Variants in RBM33 observed in about 807,000 individuals in gnomAD.
RBM33 encodes RNA-binding protein 33.
In RBM33, 28 loss-of-function variants were observed where a neutral mutation model predicts 132.6. That is an observed-to-expected ratio of 0.21 (90% CI 0.16 to 0.29). The LOEUF (loss-of-function observed/expected upper bound fraction) is 0.29, where lower values mean the gene tolerates loss of function less well. Among genes scored for constraint, RBM33 ranks in the 10% least tolerant of loss-of-function variants. RBM33 has a pLI of 1.00. For synonymous variants in RBM33, 634 were observed against 593.0 expected (o/e 1.07, Z -1.01); for missense variants, 1,291 against 1,518.5 (o/e 0.85, Z 2.49).
chr7:155,741,873 G>C lies in RBM33; in HGVS notation c.2104G>C (p.Ala702Pro), dbSNP rs1563170844. The C allele has an allele frequency of 3.7e-6, 6 of 1,613,882 alleles. No homozygotes were observed. The highest frequency in any genetic ancestry group is 4.2e-6 in the Non-Finnish European group (5 of 1,179,892). Reference protein sequence around the residue: ...KRPMQQMQPTAPRNSNLRELP... With the variant: ...KRPMQQMQPTPPRNSNLRELP... ...GCCCATGCAGCAAATGCAGCCCACT[G>C]CGCCAAGGAACAGCAATTTGCGTGA... Residue 702 changes from alanine to proline, a missense_variant, in exon 13 of 18, where the codon GCG becomes CCG. By Grantham distance (27) the Ala-to-Pro change is conservative (BLOSUM62 -1). This residue lies in a region of RBM33 where 841 missense variants were observed against 912.0 expected (regional missense o/e 0.92). Coordinates refer to ENST00000401878, the MANE Select transcript of RBM33 (RefSeq NM_053043.3).
chr7:155,659,912 G>T (rs1321079506), intron 1 of RBM33, among the ~76,000 whole-genome samples: 1 of 152,144 alleles, frequency 6.6e-6, no homozygotes, highest in Admixed American at 6.5e-5. Context: ...GCTTATGGCA[G>T]CATAACTCAA....
At chr7:155,729,151 G>T (rs1186594282) in intron 9 of RBM33, among the ~76,000 whole-genome samples, 2 of 152,184 alleles carry the variant, frequency 1.3e-5, no homozygotes, top group African/African-American at 4.8e-5. Context: ...GCAAAGTGGG[G>T]CAAGTGCCAC....
chr7:155,668,021 A>G (rs1798845105), intron 2 of RBM33, among the ~76,000 whole-genome samples: 1 of 152,226 alleles, frequency 6.6e-6, no homozygotes, highest in South Asian at 2.1e-4. Context: ...TCTAAAAAAT[A>G]AACGGTTTAA....
intron 6 of RBM33, among the ~76,000 whole-genome samples, chr7:155,703,068 T>C (rs767186490): frequency 1.4e-4 from 21 of 152,212 alleles, no homozygotes; most frequent in Middle Eastern, 6.8e-3. Flanking sequence ...AGCTGCGTTA[T>C]CTCATCCCTG....
chr7:155,737,245 C>CATGTGT (rs35173349), intron 9 of RBM33, among the ~76,000 whole-genome samples: 398 of 149,260 alleles, frequency 2.7e-3, no homozygotes, highest in Middle Eastern at 0.014. Flanking sequence ...TCTAGGTGCG[C>CATGTGT]GTGTGTGTGT....
chr7:155,714,285 A>G (rs1563156901), intron 8 of RBM33, among the ~76,000 whole-genome samples: 1 of 152,284 alleles, frequency 6.6e-6, no homozygotes, highest in Non-Finnish European at 1.5e-5. Flanking sequence ...TGGGCTGTGG[A>G]TCATAAGGTA....
Position 155,678,696 on chromosome 7 carries a change from T to G in RBM33, c.248+12T>G, listed in dbSNP as rs1240454580. The G allele has an allele frequency of 7.6e-7, 1 of 1,321,866 alleles. No homozygotes were observed. Among genetic ancestry groups the G allele is most frequent in the Non-Finnish European group, 1.1e-6 (1 of 937,814 alleles). 81.9% of individuals were successfully genotyped at this position (1,321,866 alleles called of 1,614,324 possible). ...GAAGAAAATTTCAGGTACTCAATAT[T>G]ACCTCATTATAAATGTTCTTTATTT... On this transcript the variant is annotated intron_variant, in intron 4 of 17. Coordinates refer to ENST00000401878, the MANE Select transcript of RBM33 (RefSeq NM_053043.3).
chr7:155,707,264 C>G, intron 7 of RBM33, 196 bp downstream of exon 7: 1 of 686,118 alleles, frequency 1.5e-6, no homozygotes, highest in East Asian at 2.9e-5. Context: ...CTCCAGTCAT[C>G]TGGTAGTAAG....
chr7:155,652,627 T>G (rs969245148), intron 1 of RBM33, among the ~76,000 whole-genome samples: 8 of 152,224 alleles, frequency 5.3e-5, no homozygotes. Context: ...GTAGATATCT[T>G]CAGTCTTGAA....
chr7:155,678,447 G>T (rs1799246463), intron 3 of RBM33, among the ~76,000 whole-genome samples, 161 bp from the exon 4 acceptor site: 1 of 152,318 alleles, frequency 6.6e-6, no homozygotes, highest in East Asian at 1.9e-4. Context: ...CACATGCCTT[G>T]TGTGGGATTT....
chr7:155,701,092 T>C, intron 6 of RBM33, 148 bp downstream of exon 6: 1 of 683,702 alleles, frequency 1.5e-6, no homozygotes, highest in South Asian at 1.7e-5. Flanking sequence ...GAGTGAGTGC[T>C]GTTTATGGTA....
intron 14 of RBM33, among the ~76,000 whole-genome samples, chr7:155,761,627 TC>T (rs1346625215): frequency 2.0e-5 from 3 of 152,202 alleles, no homozygotes; most frequent in Admixed American, 2.0e-4. Context: ...ATTGCGGTGA[TC>T]CCTCTTTGTT....
At chr7:155,729,803 G>C (rs1370665329) in intron 9 of RBM33, among the ~76,000 whole-genome samples, 1 of 151,100 alleles carries the variant, frequency 6.6e-6, no homozygotes, top group Non-Finnish European at 1.5e-5. Context: ...TAATTTTTCT[G>C]TCTCTAAACC....
rs753546924 is a variant in RBM33 at position 155,700,823 on chromosome 7, TGAAGAA to T, written c.627_632del (p.Glu209_Glu210del). ...AAAAGGACATCAAAGAAGAATCAGA[TGAAGAA>T]GAAGAAGATGATGAAGAATCTGGAC... On this transcript the variant is annotated inframe_deletion, in exon 6 of 18. Transcript: ENST00000401878. 1.3e-6 allele frequency: 2 copies of T among 1,596,784 alleles called. No homozygotes were observed. Among genetic ancestry groups the T allele is most frequent in the Admixed American group, 1.7e-5 (1 of 57,512 alleles).
Position 155,711,264 on chromosome 7 carries a change from AGCCGCAGCC to A in RBM33, c.1013_1021del (p.Pro338_Pro340del), listed in dbSNP as rs1239363367. On this transcript the variant is annotated inframe_deletion, in exon 8 of 18. Transcript: ENST00000401878. The stretch of plus-strand genomic sequence containing the variant: ...CAGCAGCCGATCAGAAGCCTGTTCC[AGCCGCAGCC>A]GCTGCAGCCGCTGCTTCCGGTGCAG... 6.2e-7 allele frequency: 1 copy of A among 1,602,964 alleles called. No homozygotes were observed. The highest frequency in any genetic ancestry group is 2.3e-5 in the East Asian group (1 of 43,432).
chr7:155,716,125 C>A (rs537421539), intron 8 of RBM33, among the ~76,000 whole-genome samples: 100 of 152,234 alleles, frequency 6.6e-4, no homozygotes, highest in African/African-American at 2.1e-3. Context: ...TCTCTAACAT[C>A]ACACCTGTTA....
chr7:155,656,707 T>C (rs1032230650), intron 1 of RBM33, among the ~76,000 whole-genome samples: 2 of 152,206 alleles, frequency 1.3e-5, no homozygotes, highest in Admixed American at 1.3e-4. Context: ...CTAAAAAATA[T>C]TTGTTTTATA....
At chr7:155,660,262 G>T (rs1210269652) in intron 1 of RBM33, among the ~76,000 whole-genome samples, 1 of 152,106 alleles carries the variant, frequency 6.6e-6, no homozygotes, top group East Asian at 1.9e-4. Flanking sequence ...TTTTGTAGAG[G>T]TAGGATCTGG....
chr7:155,746,025 T>C (rs1801505421), intron 14 of RBM33, among the ~76,000 whole-genome samples: 1 of 152,228 alleles, frequency 6.6e-6, no homozygotes, highest in Non-Finnish European at 1.5e-5. Flanking sequence ...CATAACCTCA[T>C]GGGACCGCCT....
Sources: gnomAD v4.1 joint callset for allele counts (sites outside exome capture counted in the v4.1 genomes callset) on GRCh38, gnomAD v4.1.1 for gene constraint, gnomAD v4.1.1 regional missense constraint, MANE v1.5 for transcripts, NCBI Gene and HGNC (gene_info 2026-07-23, HGNC 2026-07-21) for gene names.